ZNF438: variants seen among roughly 807,000 people sequenced by gnomAD.
The protein encoded by ZNF438 is zinc finger protein 438.
A neutral mutation model predicts 38.0 loss-of-function variants in ZNF438; 25 were observed. That is an observed-to-expected ratio of 0.66 (90% CI 0.48 to 0.92). The LOEUF is 0.92. ZNF438 is among the 40% of genes least tolerant of loss of function. ZNF438 has a pLI of 0.00. For missense variants in ZNF438, 1,007 were observed against 999.6 expected (o/e 1.01, Z -0.10); for synonymous variants, 372 against 364.1 (o/e 1.02, Z -0.25).
intron 4 of ZNF438, among the ~76,000 whole-genome samples, chr10:30,856,684 C>T (rs563903343): frequency 6.6e-6 from 1 of 152,060 alleles, no homozygotes; most frequent in Non-Finnish European, 1.5e-5. Context: ...CACAACTACC[C>T]GTAACACAGT....
intron 2 of ZNF438, among the ~76,000 whole-genome samples, chr10:30,922,273 T>C (rs2044385878): frequency 6.6e-6 from 1 of 152,194 alleles, no homozygotes. Context: ...ATGGTAAGGC[T>C]CTGTGCCTTA....
At chr10:31,020,899 A>T (rs947599732) in intron 1 of ZNF438, among the ~76,000 whole-genome samples, 1 of 152,010 alleles carries the variant, frequency 6.6e-6, no homozygotes, top group Admixed American at 6.6e-5. Context: ...CAAGAATCAG[A>T]CTTTACATTT....
Position 30,849,579 on chromosome 10 carries a change from T to C in ZNF438, c.826A>G (p.Ile276Val), listed in dbSNP as rs569405977. 2 of 1,614,258 alleles carry C rather than the reference T, an allele frequency of 1.2e-6. No homozygotes were observed. The highest frequency in any genetic ancestry group is 2.7e-5 in the African/African-American group (2 of 75,066). The change falls in exon 5 of 6, where the codon ATT (isoleucine) becomes GTT (valine). Residue 276 changes from isoleucine to valine, a missense_variant. Transcript: ENST00000413025. The stretch of plus-strand genomic sequence containing the variant: ...ATCAACTGAACTGCATTGCCAAGAA[T>C]GGTTGGTGATAAATTGGTCATGGTT...
intron 1 of ZNF438, among the ~76,000 whole-genome samples, chr10:31,008,152 A>C (rs983638120): frequency 6.6e-6 from 1 of 152,212 alleles, no homozygotes; most frequent in African/African-American, 2.4e-5. Context: ...CCTGCAAGCA[A>C]GGAAAAATAT....
chr10:30,907,756 C>T (rs2042724393), intron 3 of ZNF438, among the ~76,000 whole-genome samples: 1 of 151,998 alleles, frequency 6.6e-6, no homozygotes, highest in Admixed American at 6.6e-5. Flanking sequence ...ATTAATTTTG[C>T]TGATCTTTCA....
At chr10:30,998,035 GTC>G (rs1262636515) in intron 1 of ZNF438, among the ~76,000 whole-genome samples, 6 of 152,170 alleles carry the variant, frequency 3.9e-5, no homozygotes, top group Middle Eastern at 3.2e-3. Flanking sequence ...TTTCAGTTGG[GTC>G]TCTGTCACTT....
At chr10:30,941,843 A>G (rs375719524) in intron 1 of ZNF438, among the ~76,000 whole-genome samples, 192 bp from the exon 3 acceptor site, 8 of 152,294 alleles carry the variant, frequency 5.3e-5, no homozygotes, top group African/African-American at 1.4e-4. Flanking sequence ...AGACTTCTAA[A>G]ATAGGAGATA....
At chr10:30,867,691 T>C (rs976296358) in intron 4 of ZNF438, among the ~76,000 whole-genome samples, 4 of 152,192 alleles carry the variant, frequency 2.6e-5, no homozygotes, top group Non-Finnish European at 5.9e-5. Flanking sequence ...TGAATGAGAA[T>C]AGAAAATCAC....
chr10:30,868,559 C>G (rs1178908827), intron 4 of ZNF438, among the ~76,000 whole-genome samples: 1 of 152,006 alleles, frequency 6.6e-6, no homozygotes, highest in East Asian at 1.9e-4. Context: ...AAAAGCATTA[C>G]TAGATTTATG....
chr10:30,876,925 G>C, intron 4 of ZNF438, 73 bp downstream of exon 5: 1 of 1,165,110 alleles, frequency 8.6e-7, no homozygotes, highest in Non-Finnish European at 1.2e-6. Context: ...ATGATTAGAG[G>C]TCAATGACAT....
chr10:30,932,297 G>C lies in ZNF438; in HGVS notation c.-115+9278C>G, dbSNP rs73252628. Among the ~76,000 whole-genome samples the C allele has an allele frequency of 6.4e-3, 969 of 151,776 alleles. 14 individuals are homozygous for C. The highest frequency in any genetic ancestry group is 0.022 in the African/African-American group (903 of 41,384). On this transcript the variant is annotated intron_variant, in intron 2 of 5. Coordinates refer to ENST00000413025, the Ensembl canonical transcript of ZNF438. ...GCAACAATTCTACCTACTATCCCTG[G>C]TTTTTCCATGGTTTCATAATGCTAT... is the stretch of plus-strand genomic sequence containing the variant.
At chr10:30,930,301 C>T (rs999449111) in intron 2 of ZNF438, among the ~76,000 whole-genome samples, 53 of 152,108 alleles carry the variant, frequency 3.5e-4, no homozygotes, top group African/African-American at 1.2e-3. Flanking sequence ...GTGCACCCTC[C>T]GCAGCTGTTG....
At chr10:30,992,037 T>G (rs2053557400) in intron 1 of ZNF438, among the ~76,000 whole-genome samples, 1 of 152,110 alleles carries the variant, frequency 6.6e-6, no homozygotes, top group African/African-American at 2.4e-5. Flanking sequence ...CGCTCAGGAG[T>G]GACTGGGAAT....
At chr10:30,847,562 C>T (rs563016695) in intron 5 of ZNF438, among the ~76,000 whole-genome samples, 1 of 152,336 alleles carries the variant, frequency 6.6e-6, no homozygotes, top group South Asian at 2.1e-4. Context: ...GCTAAGAGAG[C>T]TGTAACACAA....
At chr10:30,852,899 TA>T (rs1588766539) in intron 4 of ZNF438, among the ~76,000 whole-genome samples, 2 of 152,236 alleles carry the variant, frequency 1.3e-5, no homozygotes, top group East Asian at 3.8e-4. Flanking sequence ...TACATAATTT[TA>T]ATTTTTAAGT....
At chr10:30,953,713 G>C (rs556044376) in intron 1 of ZNF438, among the ~76,000 whole-genome samples, 84 of 151,720 alleles carry the variant, frequency 5.5e-4, no homozygotes, top group African/African-American at 1.8e-3. Flanking sequence ...GACCAGAGGT[G>C]AGCAGAAGCT....
chr10:30,901,138 C>T (rs1202732468), intron 3 of ZNF438, among the ~76,000 whole-genome samples: 1 of 152,120 alleles, frequency 6.6e-6, no homozygotes, highest in African/African-American at 2.4e-5. Flanking sequence ...TTTCTTATAA[C>T]AGTTATAACT....
intron 1 of ZNF438, among the ~76,000 whole-genome samples, chr10:31,016,986 T>G (rs771809720): frequency 2.0e-5 from 3 of 152,196 alleles, no homozygotes; most frequent in Non-Finnish European, 2.9e-5. Flanking sequence ...TTCAACTCAT[T>G]CACATCCGTG....
intron 1 of ZNF438, among the ~76,000 whole-genome samples, chr10:31,007,474 G>T (rs976061760): frequency 6.6e-6 from 1 of 151,998 alleles, no homozygotes; most frequent in Non-Finnish European, 1.5e-5. Context: ...TTGAGACAGG[G>T]TTTCATCATG....
Sources: allele counts gnomAD v4.1 joint callset (sites outside exome capture counted in the v4.1 genomes callset), GRCh38; gene constraint gnomAD v4.1.1; transcripts MANE v1.5; gene names NCBI Gene and HGNC (gene_info 2026-07-23, HGNC 2026-07-21).